Variants in KIAA1958 observed in about 807,000 individuals in gnomAD.
KIAA1958 encodes uncharacterized protein KIAA1958.
KIAA1958 carries 14 observed loss-of-function variants against 47.2 expected under a neutral mutation model. That is an observed-to-expected ratio of 0.30 (90% CI 0.20 to 0.46). The LOEUF (loss-of-function observed/expected upper bound fraction) is 0.46, where lower values mean the gene tolerates loss of function less well. Ranked by LOEUF, KIAA1958 falls within the 20% of genes least tolerant of loss-of-function variation. The probability of loss-of-function intolerance (pLI) is 1.00; values close to 1 mark genes in which losing one functional copy is unlikely to be tolerated. For synonymous variants in KIAA1958, 354 were observed against 353.3 expected (o/e 1.00, Z -0.02); for missense variants, 803 against 909.2 (o/e 0.88, Z 1.50).
At chr9:112,633,608 C>T (rs1397852266) in intron 2 of KIAA1958, among the ~76,000 whole-genome samples, 4 of 152,098 alleles carry the variant, frequency 2.6e-5, no homozygotes, top group East Asian at 1.9e-4. Context: ...ATTACCCGAA[C>T]CCTAGGAGCT....
chr9:112,542,379 AGAATATATTCAT>A (rs1834958796), intron 1 of KIAA1958, among the ~76,000 whole-genome samples: 1 of 152,196 alleles, frequency 6.6e-6, no homozygotes, highest in Non-Finnish European at 1.5e-5. Context: ...AGGGTAAAGA[AGAATATATTCAT>A]GAATATATTC....
rs80128997 is a variant in KIAA1958, at chr9:112,536,139, A to G, written c.-24-37918A>G. On this transcript the variant is annotated intron_variant, in intron 1 of 3. Transcript: ENST00000337530. ...GGAAGTGAATGTAAAAGAAACTGGC[A>G]CTGGACTTTCTTTCCCATGAACATT... 5.2e-3 allele frequency among the ~76,000 whole-genome samples: 791 copies of G among 152,378 alleles called. 10 individuals carry two copies. The highest frequency in any genetic ancestry group is 0.018 in the African/African-American group (751 of 41,590).
chr9:112,544,519 A>T (rs1274497081), intron 1 of KIAA1958, among the ~76,000 whole-genome samples: 1 of 150,694 alleles, frequency 6.6e-6, no homozygotes, highest in Non-Finnish European at 1.5e-5. Flanking sequence ...TAAATAAATA[A>T]ATAAATAAGT....
intron 1 of KIAA1958, among the ~76,000 whole-genome samples, chr9:112,560,504 TAGTATC>T (rs1455473662): frequency 6.6e-6 from 1 of 152,130 alleles, no homozygotes; most frequent in African/African-American, 2.4e-5. Context: ...ATTTTTGATA[TAGTATC>T]AGTATCAAAT....
intron 1 of KIAA1958, among the ~76,000 whole-genome samples, chr9:112,515,864 C>T (rs1395433650): frequency 1.1e-5 from 1 of 90,010 alleles, no homozygotes; most frequent in Non-Finnish European, 2.1e-5. Context: ...CTGTGAGAAA[C>T]ACCCAAGAAT....
At chr9:112,624,058 C>T (rs1836559410) in intron 2 of KIAA1958, among the ~76,000 whole-genome samples, 1 of 152,166 alleles carries the variant, frequency 6.6e-6, no homozygotes, top group South Asian at 2.1e-4. Context: ...TAAAAACTCT[C>T]TCCCAGATGA....
In KIAA1958 at chr9:112,574,658, A is replaced by C. The variant is rs1284544708; in HGVS notation, c.578A>C (p.Glu193Ala). The C allele has an allele frequency of 1.2e-6, 2 of 1,614,182 alleles. No individual in the cohort carries two copies. The change falls in exon 2 of 4, where the codon GAA becomes GCA. Residue 193 changes from glutamate to alanine, a missense_variant. By Grantham distance (107) the Glu-to-Ala change is moderately radical. Around this residue, in one of 2 missense-constraint regions of KIAA1958, gnomAD observed 761 missense variants for 829.3 expected, o/e 0.92. Transcript: ENST00000337530. ...AGCTCCCAGACGCAGATGGTTGACG[A>C]ATGCAGCAATGATGTCATCATCAAG... ...HSSSQTQMVD[E>A]CSNDVIIKKI...
chr9:112,636,299 T>C (rs1836803437), intron 2 of KIAA1958, among the ~76,000 whole-genome samples: 1 of 152,030 alleles, frequency 6.6e-6, no homozygotes, highest in Admixed American at 6.6e-5. Context: ...TTGCTTTATG[T>C]CCCAGCATTT....
At chr9:112,556,510 T>A (rs1835245066) in intron 1 of KIAA1958, among the ~76,000 whole-genome samples, 1 of 152,226 alleles carries the variant, frequency 6.6e-6, no homozygotes, top group Non-Finnish European at 1.5e-5. Context: ...AAAATTATAA[T>A]TTTTTGTAGA....
intron 1 of KIAA1958, among the ~76,000 whole-genome samples, chr9:112,530,074 A>C (rs1045294191): frequency 1.1e-4 from 17 of 151,962 alleles, no homozygotes; most frequent in Non-Finnish European, 1.9e-4. Context: ...CGATCTCCTG[A>C]CCTCGTGATC....
intron 1 of KIAA1958, among the ~76,000 whole-genome samples, chr9:112,527,791 G>T (rs1218208145): frequency 2.6e-5 from 4 of 151,916 alleles, no homozygotes; most frequent in South Asian, 2.1e-4. Flanking sequence ...ACAAAAATTA[G>T]CCCGGCATGG....
chr9:112,620,795 A>G (rs1490520152), intron 2 of KIAA1958, among the ~76,000 whole-genome samples: 1 of 151,986 alleles, frequency 6.6e-6, no homozygotes, highest in Non-Finnish European at 1.5e-5. Context: ...AATCTTAAAA[A>G]AAAAGAAAAA....
At chr9:112,549,293 TC>T (rs1316799123) in intron 1 of KIAA1958, among the ~76,000 whole-genome samples, 8 of 152,338 alleles carry the variant, frequency 5.3e-5, no homozygotes, top group African/African-American at 1.9e-4. Flanking sequence ...CATTTCTCTT[TC>T]TCAATAAAGT....
chr9:112,659,370 C>T lies in KIAA1958; in HGVS notation c.1452C>T (p.Gly484=). 1.9e-6 allele frequency: 3 copies of T among 1,614,178 alleles called. No individual in the cohort carries two copies. Among genetic ancestry groups the T allele is most frequent in the Non-Finnish European group, 2.5e-6 (3 of 1,180,030 alleles). ...CCTCGCTCCATGCTATTCGCCGAGG[C>T]CTGGACCGCATCCTGAAGAATGCAG... ...LATSLHAIRR[G]LDRILKNAGV... is the part of the protein sequence containing the mutation. The change falls in exon 4 of 4, where the codon GGC becomes GGT. Residue 484 remains glycine (G), a synonymous_variant. Transcript: ENST00000337530.
chr9:112,554,698 T>TGGTTTAGCTAAGAAACA (rs1423556424), intron 1 of KIAA1958, among the ~76,000 whole-genome samples: 1 of 152,164 alleles, frequency 6.6e-6, no homozygotes, highest in African/African-American at 2.4e-5. Context: ...AGAATCTCTG[T>TGGTTTAGCTAAGAAACA]GGTTTAGCTA....
chr9:112,569,587 C>G lies in KIAA1958; in HGVS notation c.-24-4470C>G, dbSNP rs188123068. Among the ~76,000 whole-genome samples, 913 of 151,526 alleles carry G rather than the reference C, an allele frequency of 6.0e-3. 13 individuals are homozygous for G. The highest frequency in any genetic ancestry group is 5.7e-3 in the Non-Finnish European group (388 of 67,932). On this transcript the variant is annotated intron_variant, in intron 1 of 3. Coordinates refer to ENST00000337530, the MANE Select transcript of KIAA1958 (RefSeq NM_133465.4). ...CATTAGGCTGAATGGGAAACACAAACTTTATTGGTAACACTTTGAAATTCC... is the reference window on the plus strand; with the variant it reads ...CATTAGGCTGAATGGGAAACACAAAGTTTATTGGTAACACTTTGAAATTCC...
intron 1 of KIAA1958, among the ~76,000 whole-genome samples, chr9:112,536,123 T>C (rs1834851199): frequency 6.6e-6 from 1 of 152,228 alleles, no homozygotes; most frequent in Non-Finnish European, 1.5e-5. Context: ...TGGAAGTGAA[T>C]GTAAAAGAAA....
chr9:112,508,849 A>G (rs771437902), intron 1 of KIAA1958, among the ~76,000 whole-genome samples: 2 of 152,192 alleles, frequency 1.3e-5, no homozygotes, highest in Non-Finnish European at 2.9e-5. Context: ...CCTGCTGACC[A>G]CTAGTTAAAC....
chr9:112,638,434 C>T (rs947180294), intron 2 of KIAA1958, among the ~76,000 whole-genome samples: 3 of 151,768 alleles, frequency 2.0e-5, no homozygotes, highest in Non-Finnish European at 2.9e-5. Flanking sequence ...CCCAGGAGCA[C>T]GAGGCTGCAA....
Sources: gnomAD v4.1 joint callset for allele counts (sites outside exome capture counted in the v4.1 genomes callset) on GRCh38, gnomAD v4.1.1 for gene constraint, gnomAD v4.1.1 regional missense constraint, MANE v1.5 for transcripts, NCBI Gene and HGNC (gene_info 2026-07-23, HGNC 2026-07-21) for gene names.